Variants in ZNF385B observed in about 807,000 individuals in gnomAD.
The protein encoded by ZNF385B is zinc finger protein 385B.
Under a neutral mutation model 39.2 loss-of-function variants are expected in ZNF385B, and 23 were observed. The ratio of observed to expected loss-of-function variants is 0.59; its 90% CI spans 0.42 to 0.83. The LOEUF is 0.83. Among genes scored for constraint, ZNF385B ranks in the 40% least tolerant of loss-of-function variants. The probability of loss-of-function intolerance (pLI) is 0.00; values close to 1 mark genes in which losing one functional copy is unlikely to be tolerated. For synonymous variants in ZNF385B, 205 were observed against 222.6 expected (o/e 0.92, Z 0.70); for missense variants, 552 against 598.9 (o/e 0.92, Z 0.82).
At chr2:179,690,819 T>C (rs532748632) in intron 3 of ZNF385B, among the ~76,000 whole-genome samples, 1 of 152,302 alleles carries the variant, frequency 6.6e-6, no homozygotes, top group African/African-American at 2.4e-5. Context: ...CAAATGACAG[T>C]TGTAATTATT....
intron 1 of ZNF385B, among the ~76,000 whole-genome samples, chr2:179,860,538 G>T (rs1684961123): frequency 6.6e-6 from 1 of 152,030 alleles, no homozygotes; most frequent in Non-Finnish European, 1.5e-5. Context: ...GAGGCCGCCC[G>T]TCAGGGCTCC....
intron 3 of ZNF385B, among the ~76,000 whole-genome samples, chr2:179,590,580 G>A (rs1298046484): frequency 6.6e-6 from 1 of 152,040 alleles, no homozygotes; most frequent in African/African-American, 2.4e-5. Flanking sequence ...GCTTCCCCTT[G>A]AGATAAATGT....
At chr2:179,617,226 T>C (rs1351536081) in intron 3 of ZNF385B, among the ~76,000 whole-genome samples, 1 of 152,210 alleles carries the variant, frequency 6.6e-6, no homozygotes, top group African/African-American at 2.4e-5. Flanking sequence ...CGGTTAATAA[T>C]TGATTTAAAA....
rs2049380302 is a variant in ZNF385B at position 179,445,484 on chromosome 2, G to A, written c.1140+66C>T. 6 of 1,491,470 alleles carry A rather than the reference G, an allele frequency of 4.0e-6. No homozygotes were observed. In the Admixed American group the frequency reaches 8.3e-5, roughly 21 times the overall value. The allele number at this position is 1,491,470 out of a possible 1,614,324, so 92.4% of individuals were successfully genotyped here. On this transcript the variant is annotated intron_variant, in intron 8 of 9. Coordinates refer to ENST00000410066, the MANE Select transcript of ZNF385B (RefSeq NM_152520.6). ...TGAGCACAGTAAAAACCATTCTATA[G>A]ATGAGAAGATACACAGTCAAGTGGT... is the stretch of plus-strand genomic sequence containing the variant.
chr2:179,834,024 T>C (rs1174608045), intron 1 of ZNF385B, among the ~76,000 whole-genome samples: 2 of 152,092 alleles, frequency 1.3e-5, no homozygotes, highest in African/African-American at 4.8e-5. Flanking sequence ...ATTCATGTTA[T>C]TGGAATCATG....
In ZNF385B at chr2:179,582,314, T is replaced by A. The variant is rs534044222; in HGVS notation, c.299-37345A>T. On this transcript the variant is annotated intron_variant, in intron 3 of 9. Transcript: ENST00000410066. Reference sequence around the variant, plus strand: ...GTGCTACAGACCCTTATTTTTCTAATAAAGTGTCTAGCAGTTGGTTACCAG... The same window carrying A: ...GTGCTACAGACCCTTATTTTTCTAAAAAAGTGTCTAGCAGTTGGTTACCAG... Among the ~76,000 whole-genome samples the A allele has an allele frequency of 2.0e-5, 3 of 152,342 alleles. No individual in the cohort carries two copies. The South Asian group carries it at 6.2e-4, about 32-fold the overall frequency.
chr2:179,676,532 T>C (rs1696847154), intron 3 of ZNF385B, among the ~76,000 whole-genome samples: 1 of 152,042 alleles, frequency 6.6e-6, no homozygotes, highest in South Asian at 2.1e-4. Flanking sequence ...TTAAAGGGAG[T>C]AACATGATGA....
chr2:179,759,025 C>T (rs539900252), intron 3 of ZNF385B, among the ~76,000 whole-genome samples: 1 of 152,328 alleles, frequency 6.6e-6, no homozygotes, highest in South Asian at 2.1e-4. Flanking sequence ...TTTAGACACA[C>T]CAAGCTTTTC....
At chr2:179,506,691 T>A (rs541320632) in intron 5 of ZNF385B, among the ~76,000 whole-genome samples, 1 of 152,150 alleles carries the variant, frequency 6.6e-6, no homozygotes, top group Non-Finnish European at 1.5e-5. Flanking sequence ...TTTAGTGGCA[T>A]AGTACTGTAT....
intron 6 of ZNF385B, among the ~76,000 whole-genome samples, chr2:179,471,208 C>T (rs987916605): frequency 1.3e-5 from 2 of 152,134 alleles, no homozygotes; most frequent in Non-Finnish European, 2.9e-5. Flanking sequence ...GCATTGCAAA[C>T]TATGAAACTC....
intron 6 of ZNF385B, among the ~76,000 whole-genome samples, chr2:179,462,917 G>C (rs552084695): frequency 6.6e-6 from 1 of 152,142 alleles, no homozygotes; most frequent in South Asian, 2.1e-4. Context: ...GTGTGTGTGT[G>C]TTTGTGAAAA....
intron 3 of ZNF385B, among the ~76,000 whole-genome samples, chr2:179,554,738 T>C (rs1399002129): frequency 2.0e-5 from 3 of 148,984 alleles, no homozygotes; most frequent in Non-Finnish European, 4.4e-5. Flanking sequence ...CCAATAAACA[T>C]ACAAAAACGG....
chr2:179,651,271 T>C (rs1335300503), intron 3 of ZNF385B, among the ~76,000 whole-genome samples: 1 of 152,132 alleles, frequency 6.6e-6, no homozygotes, highest in Non-Finnish European at 1.5e-5. Context: ...AACAAAATGT[T>C]CAATAATATA....
At chr2:179,497,409 T>C (rs2056332172) in intron 5 of ZNF385B, among the ~76,000 whole-genome samples, 1 of 152,040 alleles carries the variant, frequency 6.6e-6, no homozygotes, top group Non-Finnish European at 1.5e-5. Context: ...AGTGGGGGGA[T>C]AAATTAAGAC....
At chr2:179,766,406 C>T (rs895469522) in intron 3 of ZNF385B, among the ~76,000 whole-genome samples, 1 of 152,108 alleles carries the variant, frequency 6.6e-6, no homozygotes, top group Non-Finnish European at 1.5e-5. Flanking sequence ...GCTGTTGTAA[C>T]AAAGTACTAT....
At chr2:179,573,581 G>A (rs1306201318) in intron 3 of ZNF385B, among the ~76,000 whole-genome samples, 1 of 151,818 alleles carries the variant, frequency 6.6e-6, no homozygotes, top group Non-Finnish European at 1.5e-5. Context: ...TGTAAAGTTA[G>A]GTCTTTTTAA....
At chr2:179,670,529 T>C (rs1695843989) in intron 3 of ZNF385B, among the ~76,000 whole-genome samples, 1 of 152,082 alleles carries the variant, frequency 6.6e-6, no homozygotes, top group African/African-American at 2.4e-5. Context: ...CTTGAAAATT[T>C]GTTACTCACT....
intron 3 of ZNF385B, among the ~76,000 whole-genome samples, chr2:179,624,569 G>T (rs1309911890): frequency 1.3e-5 from 2 of 152,202 alleles, no homozygotes; most frequent in African/African-American, 4.8e-5. Context: ...AAAAGCTGGT[G>T]ATTAGCAGTA....
At chr2:179,619,166 T>C (rs533800115) in intron 3 of ZNF385B, among the ~76,000 whole-genome samples, 1 of 152,200 alleles carries the variant, frequency 6.6e-6, no homozygotes, top group African/African-American at 2.4e-5. Flanking sequence ...CCAGACAGGT[T>C]AGATTCCTCT....
Sources: allele counts gnomAD v4.1 joint callset (sites outside exome capture counted in the v4.1 genomes callset), GRCh38; gene constraint gnomAD v4.1.1; transcripts MANE v1.5; gene names NCBI Gene and HGNC (gene_info 2026-07-23, HGNC 2026-07-21).